AUTS2: variants seen among roughly 807,000 people sequenced by gnomAD.
AUTS2 encodes the protein activator of transcription and developmental regulator AUTS2, also known as autism susceptibility gene 2 protein.
In AUTS2, 17 loss-of-function variants were observed where a neutral mutation model predicts 112.4. The observed-to-expected ratio is 0.15, with a 90% CI of 0.10 to 0.23. AUTS2 has a LOEUF of 0.23. AUTS2 is among the 10% of genes least tolerant of loss of function. The probability of loss-of-function intolerance (pLI) is 1.00; values close to 1 mark genes in which losing one functional copy is unlikely to be tolerated. For missense variants in AUTS2, 1,510 were observed against 1,701.6 expected (o/e 0.89, Z 1.98); for synonymous variants, 751 against 702.7 (o/e 1.07, Z -1.09).
rs973956065 is a variant in AUTS2 at position 69,803,961 on chromosome 7, G to A, written c.310-95325G>A. ...GTGGGAGGATCATTTGAGCCTGTGT[G>A]GTTGCGGCTGCAGTGATCATTGTTT... is the stretch of plus-strand genomic sequence containing the variant. On this transcript the variant is annotated intron_variant, in intron 1 of 18. Transcript: ENST00000342771. 2.0e-5 allele frequency among the ~76,000 whole-genome samples: 3 copies of A among 152,202 alleles called. No homozygotes were observed. In the South Asian group the frequency reaches 6.2e-4, roughly 32 times the overall value.
chr7:70,236,064 C>G (rs1584914915), intron 4 of AUTS2, among the ~76,000 whole-genome samples: 1 of 152,194 alleles, frequency 6.6e-6, no homozygotes, highest in African/African-American at 2.4e-5. Context: ...TTCTTCACCA[C>G]CAACCCAGAC....
Position 70,125,459 on chromosome 7 carries a change from A to G in AUTS2, c.624+7226A>G, listed in dbSNP as rs1224588331. Among the ~76,000 whole-genome samples the G allele has an allele frequency of 2.6e-5, 4 of 152,110 alleles. No individual in the cohort carries two copies. The South Asian group carries it at 6.2e-4, about 24-fold the overall frequency. On this transcript the variant is annotated intron_variant, in intron 3 of 18. Transcript: ENST00000342771. Reference sequence around the variant, plus strand: ...ATTCCCTGCCTTGTGTGGGCTTTGTAAGTTCTTCCTCCTCCTTCCCAGTGG... The same window carrying G: ...ATTCCCTGCCTTGTGTGGGCTTTGTGAGTTCTTCCTCCTCCTTCCCAGTGG...
chr7:70,338,090 CTTCT>C (rs765045047), intron 4 of AUTS2, among the ~76,000 whole-genome samples: 4 of 152,206 alleles, frequency 2.6e-5, no homozygotes, highest in Non-Finnish European at 5.9e-5. Context: ...CTCCAGTAAT[CTTCT>C]TTAATTGCAG....
intron 2 of AUTS2, among the ~76,000 whole-genome samples, chr7:69,934,022 G>A (rs1413746190): frequency 6.6e-6 from 1 of 152,178 alleles, no homozygotes; most frequent in Non-Finnish European, 1.5e-5. Flanking sequence ...TAAAGGTCTA[G>A]TTTAGAGATT....
In AUTS2 at chr7:70,129,524, A is replaced by G. The variant is rs1037384356; in HGVS notation, c.625-5012A>G. Reference sequence around the variant, plus strand: ...TTGCAACATAAAATTGACCACCACAATCACACTCTGGGGTTCCTGGTAGAC... The same window carrying G: ...TTGCAACATAAAATTGACCACCACAGTCACACTCTGGGGTTCCTGGTAGAC... On this transcript the variant is annotated intron_variant, in intron 3 of 18. Coordinates refer to ENST00000342771, the MANE Select transcript of AUTS2 (RefSeq NM_015570.4). 5.3e-5 allele frequency among the ~76,000 whole-genome samples: 8 copies of G among 152,264 alleles called. No individual in the cohort carries two copies. The East Asian group carries it at 5.8e-4, about 11-fold the overall frequency.
In AUTS2 at chr7:69,599,651, A is replaced by G. The variant is rs3735260; in HGVS notation, c.-3A>G. The G allele has an allele frequency of 0.085, 109,796 of 1,297,190 alleles. 5,804 individuals are homozygous for G. The highest frequency in any genetic ancestry group is 0.26 in the African/African-American group (16,933 of 64,562). The allele number at this position is 1,297,190 out of a possible 1,614,324, so 80.4% of individuals were successfully genotyped here. A position where few individuals can be genotyped will look rare whatever the true frequency, so the allele number is the denominator to read the frequency against. ...AGCGGGGAGACCCCGGCGCAGCAGA[A>G]CCATGGATGGCCCGACGCGGGGCCA... On this transcript the variant is annotated 5_prime_UTR_variant, in exon 1 of 19. Transcript: ENST00000342771. This position sits in a 1 kb window ranked among gnomAD's most constrained non-coding sequence, Gnocchi z 7.0.
chr7:70,390,665 C>G (rs1329093405), intron 4 of AUTS2, among the ~76,000 whole-genome samples: 1 of 151,842 alleles, frequency 6.6e-6, no homozygotes, highest in Non-Finnish European at 1.5e-5. Flanking sequence ...CTGTCAAGTC[C>G]AAGCAGAGAA....
At chr7:69,687,171 C>T (rs1379417383) in intron 1 of AUTS2, among the ~76,000 whole-genome samples, 2 of 152,092 alleles carry the variant, frequency 1.3e-5, no homozygotes, top group African/African-American at 2.4e-5. Flanking sequence ...TGCACCACTG[C>T]GCATCATGAG....
intron 5 of AUTS2, among the ~76,000 whole-genome samples, chr7:70,632,692 T>C (rs377745710): frequency 5.8e-4 from 88 of 152,224 alleles, no homozygotes; most frequent in African/African-American, 1.9e-3. Context: ...ATTGCCTTTT[T>C]ATGTCTCTCT....
intron 1 of AUTS2, among the ~76,000 whole-genome samples, chr7:69,770,716 A>G (rs1295092441): frequency 6.6e-6 from 1 of 152,190 alleles, no homozygotes; most frequent in Non-Finnish European, 1.5e-5. Flanking sequence ...CTACTAGAGG[A>G]CAACAGAAGG....
At chr7:70,348,067 G>A (rs1475680143) in intron 4 of AUTS2, among the ~76,000 whole-genome samples, 1 of 152,142 alleles carries the variant, frequency 6.6e-6, no homozygotes. Context: ...CAGAGGGAAG[G>A]GAAATGAAAG....
chr7:70,490,735 A>G (rs573045813), intron 5 of AUTS2, among the ~76,000 whole-genome samples: 5 of 152,276 alleles, frequency 3.3e-5, no homozygotes, highest in Middle Eastern at 3.4e-3. Context: ...CCCCTAGAAC[A>G]TAGGGGACTT....
chr7:70,183,256 A>C (rs752947031), intron 4 of AUTS2, among the ~76,000 whole-genome samples: 1 of 152,172 alleles, frequency 6.6e-6, no homozygotes, highest in African/African-American at 2.4e-5. Context: ...GGAAGCTGGC[A>C]TGTGGATTTT....
chr7:70,709,839 A>G (rs1015897404), intron 6 of AUTS2, among the ~76,000 whole-genome samples: 2 of 152,242 alleles, frequency 1.3e-5, no homozygotes, highest in East Asian at 3.9e-4. Context: ...AGTGCCTCGT[A>G]GCCGATACCA....
chr7:70,490,864 T>C (rs901488272), intron 5 of AUTS2, among the ~76,000 whole-genome samples: 5 of 152,120 alleles, frequency 3.3e-5, no homozygotes, highest in African/African-American at 1.2e-4. Context: ...CTTCTGAAAA[T>C]GGAGCTTTCT....
At chr7:70,100,492 A>G (rs1211028498) in intron 2 of AUTS2, among the ~76,000 whole-genome samples, 4 of 151,640 alleles carry the variant, frequency 2.6e-5, no homozygotes, top group Non-Finnish European at 5.9e-5. Flanking sequence ...AGTTTGTTAC[A>G]TAGGTATACC....
At chr7:70,037,579 T>A (rs907672151) in intron 2 of AUTS2, among the ~76,000 whole-genome samples, 5 of 152,214 alleles carry the variant, frequency 3.3e-5, no homozygotes, top group Admixed American at 2.0e-4. Context: ...AAAAATTTTT[T>A]ATATAATTTT....
intron 1 of AUTS2, among the ~76,000 whole-genome samples, chr7:69,821,729 G>A (rs890074960): frequency 2.0e-5 from 3 of 151,750 alleles, no homozygotes; most frequent in East Asian, 1.9e-4. Flanking sequence ...TCACCTTGAC[G>A]TCCAAGGCTT....
At chr7:70,097,842 C>A (rs1385657454) in intron 2 of AUTS2, among the ~76,000 whole-genome samples, 6 of 152,156 alleles carry the variant, frequency 3.9e-5, no homozygotes, top group African/African-American at 1.4e-4. Context: ...CAGGCTGCTC[C>A]CTTGTAGGAT....
Sources: gnomAD v4.1 joint callset for allele counts (sites outside exome capture counted in the v4.1 genomes callset) on GRCh38, gnomAD v4.1.1 for gene constraint, Gnocchi (gnomAD v3.1) non-coding constraint, MANE v1.5 for transcripts, NCBI Gene and HGNC (gene_info 2026-07-23, HGNC 2026-07-21) for gene names.